The following MCF2L2 variants were observed in gnomAD, a reference collection of about 807,000 sequenced individuals.
MCF2L2 encodes the protein probable guanine nucleotide exchange factor MCF2L2.
In MCF2L2, 102 loss-of-function variants were observed where a neutral mutation model predicts 150.2. The observed-to-expected ratio is 0.68, with a 90% confidence interval of 0.58 to 0.80. The LOEUF (loss-of-function observed/expected upper bound fraction) is 0.80. MCF2L2 is among the 30% of genes least tolerant of loss of function. The probability of loss-of-function intolerance (pLI) is 0.00; values close to 1 mark genes in which losing one functional copy is unlikely to be tolerated. For synonymous variants in MCF2L2, 465 were observed against 491.3 expected, an observed-to-expected ratio of 0.95 and a Z score of 0.71; for missense variants, 1,256 against 1,372.8, an observed-to-expected ratio of 0.91 and a Z score of 1.34.
At chr3:183,416,967 C>T (rs1203814169) in intron 1 of MCF2L2, among the ~76,000 whole-genome samples, 1 of 151,326 alleles carries the variant, frequency 6.6e-6, no homozygotes, top group Non-Finnish European at 1.5e-5. Flanking sequence ...TAAAAATTAG[C>T]TTGGCGTGGT....
chr3:183,355,320 A>C (rs1056882416), intron 3 of MCF2L2, among the ~76,000 whole-genome samples: 2 of 152,186 alleles, frequency 1.3e-5, no homozygotes, highest in African/African-American at 4.8e-5. Context: ...CTGACCTTAG[A>C]AAATGGAGGG....
chr3:183,307,878 C>A (rs1729175502), intron 10 of MCF2L2, among the ~76,000 whole-genome samples: 1 of 152,214 alleles, frequency 6.6e-6, no homozygotes, highest in South Asian at 2.1e-4. Context: ...TAGCAATGTT[C>A]CTTGAACTCA....
Position 183,270,814 on chromosome 3 carries a change from C to G in MCF2L2, c.1862+6058G>C. On this transcript the variant is annotated intron_variant, in intron 15 of 29. Coordinates refer to ENST00000328913, the MANE Select transcript of MCF2L2 (RefSeq NM_015078.4). The surrounding 1 kb of genome is among the most constrained non-coding windows in gnomAD (Gnocchi z 4.5). ...GACCTTTGGAAGAATGCTACAGATC[C>G]TAAAGTAAAAACCATTTCCAAAGGT... is the stretch of plus-strand genomic sequence containing the variant. 1 of 1,613,874 alleles carries G rather than the reference C, an allele frequency of 6.2e-7. No individual in the cohort carries two copies. Among genetic ancestry groups the G allele is most frequent in the Non-Finnish European group, 8.5e-7 (1 of 1,179,964 alleles).
chr3:183,253,200 G>A (rs1171049237), intron 15 of MCF2L2: 11 of 150,982 alleles, frequency 7.3e-5, no homozygotes, highest in African/African-American at 2.2e-4. Flanking sequence ...GAGAGTGCGG[G>A]GCGCGCGGCT....
chr3:183,339,399 G>A (rs1451454379), intron 4 of MCF2L2, among the ~76,000 whole-genome samples: 1 of 151,870 alleles, frequency 6.6e-6, no homozygotes, highest in Non-Finnish European at 1.5e-5. Flanking sequence ...TAAATTCTTT[G>A]GAAATATTAT....
chr3:183,338,770 A>G (rs745937916), intron 5 of MCF2L2, 30 bp downstream of exon 5: 1 of 1,583,248 alleles, frequency 6.3e-7, no homozygotes, highest in East Asian at 2.3e-5. Flanking sequence ...AGCCCTAACC[A>G]AATGAGACAA....
At chr3:183,402,867 AAT>A (rs1244392999) in intron 1 of MCF2L2, among the ~76,000 whole-genome samples, 6 of 139,810 alleles carry the variant, frequency 4.3e-5, no homozygotes, top group Non-Finnish European at 7.5e-5. Context: ...ATAGACAAAA[AAT>A]ATATATATAT....
chr3:183,193,596 G>A (rs569514794), intron 26 of MCF2L2, among the ~76,000 whole-genome samples: 5 of 152,194 alleles, frequency 3.3e-5, no homozygotes, highest in Non-Finnish European at 5.9e-5. Context: ...TGATCCGCCC[G>A]CCTTGGCCTC....
At chr3:183,390,508 A>G (rs1333621036) in intron 1 of MCF2L2, among the ~76,000 whole-genome samples, 1 of 152,138 alleles carries the variant, frequency 6.6e-6, no homozygotes. Flanking sequence ...ATTTGGGGAA[A>G]AGGAATTAGA....
At chr3:183,395,917 CAAAAAAA>C (rs11338932) in intron 1 of MCF2L2, among the ~76,000 whole-genome samples, 17 of 58,084 alleles carry the variant, frequency 2.9e-4, no homozygotes, top group South Asian at 1.6e-3. Flanking sequence ...GACATCGTCT[CAAAAAAA>C]AAAAAAAAAA....
chr3:183,239,511 C>A (rs1181434460), intron 15 of MCF2L2, among the ~76,000 whole-genome samples: 2 of 152,032 alleles, frequency 1.3e-5, no homozygotes, highest in Non-Finnish European at 2.9e-5. Context: ...TTAAGGATTT[C>A]CTGATAAGTT....
At chr3:183,306,577 G>A (rs981129656) in intron 10 of MCF2L2, among the ~76,000 whole-genome samples, 1 of 152,200 alleles carries the variant, frequency 6.6e-6, no homozygotes, top group Non-Finnish European at 1.5e-5. Context: ...TACTCTATCC[G>A]GGAATCTAGA....
At chr3:183,404,878 A>G (rs992388968) in intron 1 of MCF2L2, among the ~76,000 whole-genome samples, 3 of 152,122 alleles carry the variant, frequency 2.0e-5, no homozygotes, top group African/African-American at 7.2e-5. Context: ...CAGAAAGAAA[A>G]AAAAAATCTG....
At chr3:183,304,783 A>AT (rs1239115576) in intron 10 of MCF2L2, among the ~76,000 whole-genome samples, 3 of 151,978 alleles carry the variant, frequency 2.0e-5, no homozygotes, top group Non-Finnish European at 4.4e-5. Flanking sequence ...CTGGGCAGTG[A>AT]TTTTTGACTC....
chr3:183,301,496 A>G (rs1728844938), intron 10 of MCF2L2, among the ~76,000 whole-genome samples: 1 of 152,194 alleles, frequency 6.6e-6, no homozygotes, highest in Admixed American at 6.5e-5. Flanking sequence ...GACTTCACAT[A>G]GAAAGCCTGA....
chr3:183,308,335 A>C (rs566181159), intron 10 of MCF2L2, among the ~76,000 whole-genome samples: 30 of 152,354 alleles, frequency 2.0e-4, no homozygotes, highest in African/African-American at 7.2e-4. Flanking sequence ...ATAAGCAAAA[A>C]AATATAGTAT....
chr3:183,393,620 A>G (rs1476152836), intron 1 of MCF2L2, among the ~76,000 whole-genome samples: 3 of 152,250 alleles, frequency 2.0e-5, no homozygotes, highest in African/African-American at 7.2e-5. Flanking sequence ...TGATAAGTAC[A>G]CAGAAGTGTG....
chr3:183,264,659 G>C (rs574570091), intron 15 of MCF2L2, among the ~76,000 whole-genome samples: 1 of 152,092 alleles, frequency 6.6e-6, no homozygotes, highest in Non-Finnish European at 1.5e-5. Flanking sequence ...ACTTCAAAAC[G>C]GATAGCAGGT....
At chr3:183,427,817 G>T in intron 1 of MCF2L2, 85 bp downstream of exon 1, 1 of 1,177,056 alleles carries the variant, frequency 8.5e-7, no homozygotes, top group Non-Finnish European at 1.3e-6. Flanking sequence ...CCGGGGCAGC[G>T]GGTGAGGCCA....
Sources: allele counts gnomAD v4.1 joint callset (sites outside exome capture counted in the v4.1 genomes callset), GRCh38; gene constraint gnomAD v4.1.1; non-coding constraint Gnocchi (gnomAD v3.1); transcripts MANE v1.5; gene names NCBI Gene and HGNC (gene_info 2026-07-23, HGNC 2026-07-21).